Variants in CRX observed in about 807,000 individuals in gnomAD.
CRX encodes cone-rod homeobox protein.
Under a neutral mutation model 13.1 loss-of-function variants are expected in CRX, and 5 were observed. That is an observed-to-expected ratio of 0.38 (90% confidence interval 0.20 to 0.80). The LOEUF is 0.80. CRX is among the 30% of genes least tolerant of loss of function. CRX has a pLI of 0.43. For synonymous variants in CRX, 179 were observed against 171.1 expected (o/e 1.05, Z -0.36); for missense variants, 351 against 391.8 (o/e 0.90, Z 0.88).
intron 1 of CRX, among the ~76,000 whole-genome samples, chr19:47,828,893 AACACACAC>A (rs59471457): frequency 0.056 from 7,441 of 134,014 alleles, 520 homozygotes; most frequent in African/African-American, 0.17. Flanking sequence ...TTTTGACAAG[AACACACAC>A]ACACACACAC....
In CRX at chr19:47,839,292, C is replaced by T. The variant is rs773071652; in HGVS notation, c.253-28C>T. On this transcript the variant is annotated intron_variant, in intron 3 of 3. Coordinates refer to ENST00000221996, the MANE Select transcript of CRX (RefSeq NM_000554.6). This position sits in a 1 kb window ranked among gnomAD's most constrained non-coding sequence, Gnocchi z 4.6. ...CTCCTGGGCCTCTTCCCCACTTACCCACCCCCATCTCCGCTCTTATCCCCC... is the reference window on the plus strand; with the variant it reads ...CTCCTGGGCCTCTTCCCCACTTACCTACCCCCATCTCCGCTCTTATCCCCC... 3.1e-6 allele frequency: 5 copies of T among 1,606,328 alleles called. No homozygotes were observed. Among genetic ancestry groups the T allele is most frequent in the Non-Finnish European group, 4.2e-6 (5 of 1,176,902 alleles).
intron 2 of CRX, among the ~76,000 whole-genome samples, chr19:47,835,620 G>GT (rs34872129): frequency 0.53 from 53,831 of 102,178 alleles, 15,679 homozygotes; most frequent in Non-Finnish European, 0.64. Context: ...TTTAGCTCTT[G>GT]TTTTTTTTTT....
At chr19:47,837,015 T>C (rs948887261) in intron 3 of CRX, among the ~76,000 whole-genome samples, 1 of 147,424 alleles carries the variant, frequency 6.8e-6, no homozygotes, top group African/African-American at 2.7e-5. Context: ...TGAGTGTCTG[T>C]GTGTATGATG....
intron 1 of CRX, among the ~76,000 whole-genome samples, chr19:47,823,987 G>T (rs1453301909): frequency 6.6e-6 from 1 of 152,150 alleles, no homozygotes. Flanking sequence ...CTCACTGTGT[G>T]GCCTTGGACC....
chr19:47,829,995 C>G (rs150980439), intron 1 of CRX, among the ~76,000 whole-genome samples: 2,027 of 150,280 alleles, frequency 0.013, 21 homozygotes, highest in Non-Finnish European at 0.019. Context: ...CAGCACCATA[C>G]TTGTTTCCTT....
In CRX at chr19:47,841,513, G is replaced by C. The variant is rs1190204601; in HGVS notation, c.*1546G>C. The C allele has an allele frequency of 2.6e-5, 4 of 152,020 alleles. No individual in the cohort carries two copies. The highest frequency in any genetic ancestry group is 7.2e-5 in the African/African-American group (3 of 41,386). 9.4% of individuals were successfully genotyped at this position (152,020 alleles called of 1,614,324 possible). On this transcript the variant is annotated 3_prime_UTR_variant, in exon 4 of 4. Coordinates refer to ENST00000221996, the MANE Select transcript of CRX (RefSeq NM_000554.6). ...GTAAATAAACAAGAGATAGGAAGAGGGGGAAATAGATTTGGAGGAGGCAGC... is the reference window on the plus strand; with the variant it reads ...GTAAATAAACAAGAGATAGGAAGAGCGGGAAATAGATTTGGAGGAGGCAGC...
chr19:47,836,893 CGGAT>C (rs35676406), intron 3 of CRX, among the ~76,000 whole-genome samples: 1 of 151,824 alleles, frequency 6.6e-6, no homozygotes, highest in African/African-American at 2.4e-5. Context: ...ACTGAATAGA[CGGAT>C]GGATGGATGG....
intron 1 of CRX, among the ~76,000 whole-genome samples, chr19:47,823,516 T>A (rs984827047): frequency 1.3e-5 from 2 of 152,098 alleles, no homozygotes; most frequent in African/African-American, 4.8e-5. Context: ...TCCACCCAGC[T>A]CCTTGTCCCC....
chr19:47,824,401 G>A (rs371382093), intron 1 of CRX, among the ~76,000 whole-genome samples: 3 of 152,060 alleles, frequency 2.0e-5, no homozygotes, highest in South Asian at 2.1e-4. Context: ...TGGCTCTGCC[G>A]CTGACGTGCG....
intron 1 of CRX, among the ~76,000 whole-genome samples, chr19:47,822,709 T>C (rs1442853113): frequency 6.6e-6 from 1 of 152,220 alleles, no homozygotes; most frequent in Non-Finnish European, 1.5e-5. Context: ...CAGCCCAGGC[T>C]CTACTTCGGG....
rs1354305718 is a variant in CRX at position 47,843,152 on chromosome 19, C to G, written c.*3185C>G. On this transcript the variant is annotated 3_prime_UTR_variant, in exon 4 of 4. Transcript: ENST00000221996. ...CTGTGCACAGGGGATTTCAAACGTT[C>G]TACGTCCTAAAGCCAGGAAGAGTGA... 6.6e-6 allele frequency: 1 copy of G among 152,220 alleles called. No individual in the cohort carries two copies. Among genetic ancestry groups the G allele is most frequent in the Non-Finnish European group, 1.5e-5 (1 of 68,126 alleles). The allele number at this position is 152,220 out of a possible 1,614,324, so 9.4% of individuals were successfully genotyped here. A position where few individuals can be genotyped will look rare whatever the true frequency, so the allele number is the denominator to read the frequency against.
intron 1 of CRX, among the ~76,000 whole-genome samples, chr19:47,830,029 TATA>T (rs1968024703): frequency 6.7e-6 from 1 of 148,452 alleles, no homozygotes; most frequent in African/African-American, 2.4e-5. Context: ...ATTATAATTT[TATA>T]ATATTTATAA....
chr19:47,826,536 T>C (rs1446775624), intron 1 of CRX, among the ~76,000 whole-genome samples: 6 of 151,860 alleles, frequency 4.0e-5, no homozygotes, highest in Non-Finnish European at 8.8e-5. Flanking sequence ...GCTCAGGAGG[T>C]CGAGGCTGCA....
chr19:47,832,330 T>A (rs2123736292), intron 1 of CRX, among the ~76,000 whole-genome samples: 1 of 151,538 alleles, frequency 6.6e-6, no homozygotes, highest in South Asian at 2.1e-4. Flanking sequence ...GGTCTCGAAC[T>A]TCTGACCTCT....
At chr19:47,830,196 C>T (rs1455901445) in intron 1 of CRX, among the ~76,000 whole-genome samples, 2 of 152,078 alleles carry the variant, frequency 1.3e-5, no homozygotes, top group East Asian at 3.9e-4. Context: ...GTAGTCCTAG[C>T]ACTTTGGGAG....
At chr19:47,825,076 C>T (rs1047246677) in intron 1 of CRX, among the ~76,000 whole-genome samples, 3 of 148,848 alleles carry the variant, frequency 2.0e-5, no homozygotes, top group Non-Finnish European at 3.0e-5. Context: ...CTGCAGCCTC[C>T]GCCTCCCGAG....
At chr19:47,822,237 A>G (rs2123727193) in intron 1 of CRX, among the ~76,000 whole-genome samples, 1 of 152,192 alleles carries the variant, frequency 6.6e-6, no homozygotes. Context: ...GGCTGATGGC[A>G]CTCGGGGCAT....
chr19:47,835,950 G>T (rs1241490639), intron 2 of CRX, among the ~76,000 whole-genome samples: 1 of 152,028 alleles, frequency 6.6e-6, no homozygotes. Context: ...GGCTAGAAAC[G>T]GTTGAATGTC....
In CRX at chr19:47,836,260, C is replaced by T. The variant is rs749738655; in HGVS notation, c.118C>T (p.Arg40Trp). Reference sequence around the variant, plus strand: ...CACCCCAGGCGCCCCCAGGAAGCAGCGGCGGGAGCGCACCACCTTCACCCG... The same window carrying T: ...CACCCCAGGCGCCCCCAGGAAGCAGTGGCGGGAGCGCACCACCTTCACCCG... ...VPYPSAPRKQ[R>W]RERTTFTRSQ... Residue 40 changes from arginine (R) to tryptophan (W), a missense_variant, in exon 3 of 4, where the codon CGG becomes TGG. By Grantham distance (101) the Arg-to-Trp change is moderately radical (BLOSUM62 -3). Coordinates refer to ENST00000221996, the MANE Select transcript of CRX (RefSeq NM_000554.6). 2 of 1,613,996 alleles carry T rather than the reference C, an allele frequency of 1.2e-6. No individual in the cohort carries two copies. The highest frequency in any genetic ancestry group is 1.3e-5 in the African/African-American group (1 of 74,910).
Sources: gnomAD v4.1 joint callset for allele counts (sites outside exome capture counted in the v4.1 genomes callset) on GRCh38, gnomAD v4.1.1 for gene constraint, Gnocchi (gnomAD v3.1) non-coding constraint, MANE v1.5 for transcripts, NCBI Gene and HGNC (gene_info 2026-07-23, HGNC 2026-07-21) for gene names.